Variants in GRIP1 observed in about 807,000 individuals in gnomAD.
GRIP1 encodes the protein glutamate receptor-interacting protein 1.
In GRIP1, 45 loss-of-function variants were observed where a neutral mutation model predicts 129.9. The ratio of observed to expected loss-of-function variants is 0.35; its 90% confidence interval spans 0.27 to 0.44. The LOEUF is 0.44. Ranked by LOEUF, GRIP1 falls within the 20% of genes least tolerant of loss-of-function variation. GRIP1 has a pLI of 1.00. For synonymous variants in GRIP1, 530 were observed against 520.8 expected (o/e 1.02, Z -0.24); for missense variants, 1,196 against 1,396.8 (o/e 0.86, Z 2.29).
At chr12:66,983,699 C>T (rs1208816177) in intron 1 of GRIP1, among the ~76,000 whole-genome samples, 1 of 151,980 alleles carries the variant, frequency 6.6e-6, no homozygotes, top group African/African-American at 2.4e-5. Flanking sequence ...CAGAAAACAC[C>T]TGAAATTAAA....
chr12:66,990,375 T>C (rs1278594211), intron 1 of GRIP1, among the ~76,000 whole-genome samples: 2 of 152,256 alleles, frequency 1.3e-5, no homozygotes, highest in African/African-American at 2.4e-5. Flanking sequence ...ATGTATTTAA[T>C]GTATTTAACA....
At chr12:66,713,089 C>T (rs1253516465) in intron 1 of GRIP1, among the ~76,000 whole-genome samples, 1 of 151,860 alleles carries the variant, frequency 6.6e-6, no homozygotes, top group African/African-American at 2.4e-5. Flanking sequence ...GAAAACAGAC[C>T]AGCAGACTAT....
chr12:66,439,985 T>C (rs952358728), intron 13 of GRIP1, among the ~76,000 whole-genome samples: 7 of 152,268 alleles, frequency 4.6e-5, no homozygotes, highest in Admixed American at 2.6e-4. Flanking sequence ...TGAATATCCT[T>C]TTACAGCTTC....
At chr12:66,965,167 T>C (rs550937243) in intron 1 of GRIP1, among the ~76,000 whole-genome samples, 6 of 152,184 alleles carry the variant, frequency 3.9e-5, no homozygotes, top group African/African-American at 1.2e-4. Context: ...TTTTTTTGCC[T>C]GTGGCCCTAA....
At chr12:66,906,792 T>G (rs1486905054) in intron 1 of GRIP1, among the ~76,000 whole-genome samples, 1 of 152,234 alleles carries the variant, frequency 6.6e-6, no homozygotes, top group Non-Finnish European at 1.5e-5. Flanking sequence ...TAAGATATAC[T>G]TTGTCTATAG....
intron 1 of GRIP1, among the ~76,000 whole-genome samples, chr12:67,041,336 G>A (rs1010506488): frequency 4.6e-5 from 7 of 151,842 alleles, no homozygotes; most frequent in Non-Finnish European, 7.4e-5. Flanking sequence ...ATGTGTGTGT[G>A]TATAGACACA....
upstream of GRIP1, among the ~76,000 whole-genome samples, chr12:66,804,824 T>C (rs1296388845): frequency 6.6e-6 from 1 of 152,210 alleles, no homozygotes; most frequent in Non-Finnish European, 1.5e-5. Flanking sequence ...CTCCCTTGCA[T>C]ATCATATTAA....
At chr12:66,798,298 C>A (rs1351348394) in intron 1 of GRIP1, among the ~76,000 whole-genome samples, 1 of 152,052 alleles carries the variant, frequency 6.6e-6, no homozygotes, top group Non-Finnish European at 1.5e-5. Flanking sequence ...CCTCCACATG[C>A]CATATGTTAC....
intron 16 of GRIP1, among the ~76,000 whole-genome samples, chr12:66,404,549 TC>T (rs1326538002): frequency 1.3e-5 from 2 of 152,200 alleles, no homozygotes; most frequent in African/African-American, 4.8e-5. Context: ...CTGCTCCTGC[TC>T]CTGCTTGAGT....
At chr12:66,759,711 C>T (rs1051452481) in intron 1 of GRIP1, among the ~76,000 whole-genome samples, 1 of 152,144 alleles carries the variant, frequency 6.6e-6, no homozygotes, top group South Asian at 2.1e-4. Context: ...TTCAAAGTTC[C>T]ACAAATCTCT....
chr12:66,419,649 C>T (rs1418282264), intron 15 of GRIP1, among the ~76,000 whole-genome samples: 1 of 152,164 alleles, frequency 6.6e-6, no homozygotes, highest in Admixed American at 6.5e-5. Context: ...GCTCCCATAG[C>T]CCTGGATTGC....
chr12:66,856,175 A>G (rs1159430729), intron 1 of GRIP1, among the ~76,000 whole-genome samples: 1 of 152,144 alleles, frequency 6.6e-6, no homozygotes, highest in Non-Finnish European at 1.5e-5. Flanking sequence ...CCATATGTAG[A>G]AAGCTGAAAC....
chr12:66,985,661 A>G (rs948374689), intron 1 of GRIP1, among the ~76,000 whole-genome samples: 2 of 152,154 alleles, frequency 1.3e-5, no homozygotes, highest in Non-Finnish European at 2.9e-5. Context: ...TTCTCTCATC[A>G]TGTTAAAGTG....
intron 2 of GRIP1, among the ~76,000 whole-genome samples, chr12:66,556,486 G>C (rs1347696579): frequency 6.6e-6 from 1 of 152,006 alleles, no homozygotes; most frequent in African/African-American, 2.4e-5. Context: ...ATCATCTGAA[G>C]TTACAAAATT....
chr12:67,010,307 A>G (rs1332535805), intron 1 of GRIP1, among the ~76,000 whole-genome samples: 3 of 152,176 alleles, frequency 2.0e-5, no homozygotes, highest in Admixed American at 1.3e-4. Context: ...GATCTGACCT[A>G]ATAGCAATTC....
intron 7 of GRIP1, among the ~76,000 whole-genome samples, chr12:66,485,303 C>T (rs550045637): frequency 6.6e-5 from 10 of 152,068 alleles, no homozygotes; most frequent in Non-Finnish European, 1.2e-4. Context: ...ATTTTTCATA[C>T]AGTTATTGGC....
At chr12:66,672,947 A>G (rs2034150626) in intron 1 of GRIP1, among the ~76,000 whole-genome samples, 1 of 152,194 alleles carries the variant, frequency 6.6e-6, no homozygotes, top group African/African-American at 2.4e-5. Context: ...CACAAGTAAA[A>G]ATAGGAAAGC....
At chr12:66,804,437 T>TA (rs1019417585), upstream of GRIP1, among the ~76,000 whole-genome samples, 233 of 148,890 alleles carry the variant, frequency 1.6e-3, 2 homozygotes, top group Middle Eastern at 0.021. Context: ...GTAATTTTTT[T>TA]AAAAAAAAAA....
chr12:66,538,894 C>T (rs931513), intron 4 of GRIP1, among the ~76,000 whole-genome samples, 184 bp downstream of exon 4: 13,318 of 152,194 alleles, frequency 0.088, 635 homozygotes, highest in Admixed American at 0.15. Flanking sequence ...TGAGCCACCG[C>T]GCCCAGCCAG....
Sources: allele counts gnomAD v4.1 joint callset (sites outside exome capture counted in the v4.1 genomes callset), GRCh38; gene constraint gnomAD v4.1.1; transcripts MANE v1.5; gene names NCBI Gene and HGNC (gene_info 2026-07-23, HGNC 2026-07-21).